SULT4A1: variants seen among roughly 807,000 people sequenced by gnomAD.
The protein encoded by SULT4A1 is sulfotransferase 4A1.
A neutral mutation model predicts 35.2 loss-of-function variants in SULT4A1; 11 were observed. That is an observed-to-expected ratio of 0.31 (90% CI 0.20 to 0.52). The LOEUF is 0.52. SULT4A1 is among the 20% of genes least tolerant of loss of function. SULT4A1 has a pLI of 0.97. For synonymous variants in SULT4A1, 152 were observed against 151.8 expected (o/e 1.00, Z -0.01); for missense variants, 271 against 383.7 (o/e 0.71, Z 2.45).
intron 1 of SULT4A1, among the ~76,000 whole-genome samples, chr22:43,844,724 C>T (rs2063461247): frequency 6.6e-6 from 1 of 152,198 alleles, no homozygotes; most frequent in African/African-American, 2.4e-5. Context: ...AGCCTAGGCA[C>T]AGCTGTCTCA....
chr22:43,860,955 A>G (rs1249025626), intron 1 of SULT4A1, among the ~76,000 whole-genome samples: 1 of 152,046 alleles, frequency 6.6e-6, no homozygotes, highest in African/African-American at 2.4e-5. Context: ...GCCTTCTCTG[A>G]GCCTCTGAAA....
chr22:43,853,408 C>G (rs2049366006), intron 1 of SULT4A1, among the ~76,000 whole-genome samples: 1 of 152,238 alleles, frequency 6.6e-6, no homozygotes. Flanking sequence ...AAACGAATTG[C>G]AGCCATCCCC....
intron 1 of SULT4A1, among the ~76,000 whole-genome samples, chr22:43,844,422 A>G (rs1275401371): frequency 6.6e-6 from 1 of 152,142 alleles, no homozygotes; most frequent in East Asian, 1.9e-4. Flanking sequence ...CTAGAGACCT[A>G]TGGACCAATT....
At chr22:43,853,450 A>C (rs1049765533) in intron 1 of SULT4A1, among the ~76,000 whole-genome samples, 6 of 152,018 alleles carry the variant, frequency 3.9e-5, no homozygotes, top group Non-Finnish European at 8.8e-5. Context: ...GGCCACGTCC[A>C]CAGCCAGACC....
intron 1 of SULT4A1, among the ~76,000 whole-genome samples, chr22:43,861,748 G>GTTTCCAC (rs2049471862): frequency 6.6e-6 from 1 of 152,236 alleles, no homozygotes; most frequent in Non-Finnish European, 1.5e-5. Context: ...GGGACGTTAC[G>GTTTCCAC]TTTCCACGCT....
chr22:43,843,225 C>T (rs1179006173), intron 1 of SULT4A1, among the ~76,000 whole-genome samples: 4 of 151,934 alleles, frequency 2.6e-5, no homozygotes, highest in Non-Finnish European at 4.4e-5. Flanking sequence ...GACCAGCCTG[C>T]GCAATATAGC....
chr22:43,836,859 G>A (rs1023426916), intron 4 of SULT4A1, among the ~76,000 whole-genome samples: 8 of 117,386 alleles, frequency 6.8e-5, no homozygotes, highest in African/African-American at 2.5e-4. Flanking sequence ...ACAGCGTCCT[G>A]ACACTGCAGG....
chr22:43,825,945 C>G lies in SULT4A1; in HGVS notation c.*56G>C. 1 of 1,554,498 alleles carries G rather than the reference C, an allele frequency of 6.4e-7. No homozygotes were observed. The highest frequency in any genetic ancestry group is 1.1e-5 in the South Asian group (1 of 87,078). Reference sequence around the variant, plus strand: ...AAGGAATAAATGAATGCATACAGGACTTTTGGCTAGTAGACTGTCTGGGTA... The same window carrying G: ...AAGGAATAAATGAATGCATACAGGAGTTTTGGCTAGTAGACTGTCTGGGTA... On this transcript the variant is annotated 3_prime_UTR_variant, in exon 7 of 7. Coordinates refer to ENST00000330884, the MANE Select transcript of SULT4A1 (RefSeq NM_014351.4).
chr22:43,860,983 C>G (rs966009658), intron 1 of SULT4A1, among the ~76,000 whole-genome samples: 1 of 152,128 alleles, frequency 6.6e-6, no homozygotes. Context: ...GTAAGAGTCC[C>G]TCACAGATTA....
intron 4 of SULT4A1, among the ~76,000 whole-genome samples, chr22:43,836,319 CA>C (rs2063373692): frequency 7.1e-6 from 1 of 140,520 alleles, no homozygotes. Context: ...ACAGCGTCCT[CA>C]CACTGCAGGT....
At chr22:43,833,583 G>A (rs2063340272) in intron 5 of SULT4A1, 57 bp downstream of exon 5, 19 of 1,444,436 alleles carry the variant, frequency 1.3e-5, no homozygotes, top group African/African-American at 2.8e-5. Flanking sequence ...CCTGCGTCAG[G>A]AGCTGCCAGG....
intron 1 of SULT4A1, among the ~76,000 whole-genome samples, chr22:43,852,828 G>T (rs905359812): frequency 1.3e-5 from 2 of 150,974 alleles, no homozygotes; most frequent in East Asian, 2.0e-4. Context: ...AGGACATGCT[G>T]ACAGAGACCC....
rs936431550 is a variant in SULT4A1, at chr22:43,846,473, G to A, written c.170-4541C>T. 1.3e-4 allele frequency among the ~76,000 whole-genome samples: 20 copies of A among 152,352 alleles called. No individual in the cohort carries two copies. The East Asian group carries it at 3.5e-3, about 26-fold the overall frequency. On this transcript the variant is annotated intron_variant, in intron 1 of 6. Coordinates refer to ENST00000330884, the MANE Select transcript of SULT4A1 (RefSeq NM_014351.4). Reference sequence around the variant, plus strand: ...TCAATTCATATTTCCTGAGTGGACCGACAAACGCTGGTTGCTGCATAGACA... The same window carrying A: ...TCAATTCATATTTCCTGAGTGGACCAACAAACGCTGGTTGCTGCATAGACA...
chr22:43,862,476 GCCCCA>G lies in SULT4A1; in HGVS notation c.-99_-95del. ...GCGCCCGCGCCCCGCACACGCTCGC[GCCCCA>G]CCGGCGCGCGGCGGCAGCTCCGCAG... is the stretch of plus-strand genomic sequence containing the variant. On this transcript the variant is annotated 5_prime_UTR_variant, in exon 1 of 7. Coordinates refer to ENST00000330884, the MANE Select transcript of SULT4A1 (RefSeq NM_014351.4). The G allele has an allele frequency of 1.0e-6, 1 of 962,488 alleles. No homozygotes were observed. The allele number at this position is 962,488 out of a possible 1,614,324, so 59.6% of individuals were successfully genotyped here. A position where few individuals can be genotyped will look rare whatever the true frequency, so the allele number is the denominator to read the frequency against.
intron 1 of SULT4A1, among the ~76,000 whole-genome samples, chr22:43,845,668 G>A (rs952661771): frequency 1.3e-5 from 2 of 152,160 alleles, no homozygotes; most frequent in South Asian, 4.2e-4. Context: ...CAGGCCACGG[G>A]TCTGTGGCCT....
At chr22:43,826,558 A>G (rs1452243077) in intron 6 of SULT4A1, 11 of 985,236 alleles carry the variant, frequency 1.1e-5, no homozygotes, top group Non-Finnish European at 1.3e-5. Flanking sequence ...GGCCCTTCCC[A>G]CGCCATTATC....
chr22:43,851,670 G>A (rs1309152087), intron 1 of SULT4A1, among the ~76,000 whole-genome samples: 1 of 152,168 alleles, frequency 6.6e-6, no homozygotes, highest in African/African-American at 2.4e-5. Context: ...GAGAGGAGGG[G>A]CTGGTAATCC....
chr22:43,826,601 A>G (rs2063288688), intron 6 of SULT4A1: 2 of 985,292 alleles, frequency 2.0e-6, no homozygotes, highest in African/African-American at 1.7e-5. Context: ...CCAAGGCGTC[A>G]TTGGCTTCGG....
At position 43,833,722 on chromosome 22, in the gene SULT4A1, G is replaced by T; in HGVS notation, c.521C>A (p.Ser174Tyr). Reference sequence around the variant, plus strand: ...GAACTCCTGCACGTGCTCAAACCAGGAGCCGTAGCCCACTGCGGAGACAGG... The same window carrying T: ...GAACTCCTGCACGTGCTCAAACCAGTAGCCGTAGCCCACTGCGGAGACAGG... ...RFMNDKLGYGSWFEHVQEFWE... is the reference protein window; with the variant it reads ...RFMNDKLGYGYWFEHVQEFWE... Residue 174 changes from serine to tyrosine, a missense_variant, in exon 5 of 7, where the codon TCC (serine) becomes TAC (tyrosine). Coordinates refer to ENST00000330884, the MANE Select transcript of SULT4A1 (RefSeq NM_014351.4). 1 of 1,572,356 alleles carries T rather than the reference G, an allele frequency of 6.4e-7. No homozygotes were observed. The highest frequency in any genetic ancestry group is 2.3e-5 in the East Asian group (1 of 43,224).
Sources: allele counts gnomAD v4.1 joint callset (sites outside exome capture counted in the v4.1 genomes callset), GRCh38; gene constraint gnomAD v4.1.1; transcripts MANE v1.5; gene names NCBI Gene and HGNC (gene_info 2026-07-23, HGNC 2026-07-21).